FSTL5: variants seen among roughly 807,000 people sequenced by gnomAD.
FSTL5 encodes the protein follistatin-related protein 5.
FSTL5 carries 62 observed loss-of-function variants against 89.1 expected under a neutral mutation model. That is an observed-to-expected ratio of 0.70 (90% CI 0.57 to 0.86). The LOEUF (loss-of-function observed/expected upper bound fraction) is 0.86. Among genes scored for constraint, FSTL5 ranks in the 40% least tolerant of loss-of-function variants. FSTL5 has a pLI of 0.00. For missense variants in FSTL5, 1,057 were observed against 1,001.6 expected (o/e 1.06, Z -0.75); for synonymous variants, 383 against 346.2 (o/e 1.11, Z -1.18).
intron 6 of FSTL5, among the ~76,000 whole-genome samples, chr4:161,697,831 C>A (rs1349532696): frequency 6.6e-6 from 1 of 152,040 alleles, no homozygotes; most frequent in African/African-American, 2.4e-5. Flanking sequence ...ATCTCTAGAG[C>A]CTATTTGGAG....
intron 8 of FSTL5, among the ~76,000 whole-genome samples, chr4:161,546,961 T>C (rs1459744101): frequency 6.6e-6 from 1 of 152,008 alleles, no homozygotes; most frequent in East Asian, 1.9e-4. Flanking sequence ...AACAGAGCTG[T>C]GGCAAAGTAA....
At chr4:161,817,876 G>T (rs939158336) in intron 4 of FSTL5, among the ~76,000 whole-genome samples, 1 of 152,214 alleles carries the variant, frequency 6.6e-6, no homozygotes, top group South Asian at 2.1e-4. Context: ...AGGGAAGAGC[G>T]TGGTCCCTTT....
chr4:161,841,939 T>C (rs1163658589), intron 4 of FSTL5, among the ~76,000 whole-genome samples: 1 of 152,108 alleles, frequency 6.6e-6, no homozygotes, highest in African/African-American at 2.4e-5. Flanking sequence ...CATTGAAGGA[T>C]GTGAGGCTGT....
At chr4:162,047,790 A>T (rs1402461456) in intron 2 of FSTL5, among the ~76,000 whole-genome samples, 1 of 151,874 alleles carries the variant, frequency 6.6e-6, no homozygotes, top group East Asian at 1.9e-4. Context: ...GCACCACTGC[A>T]CTCCAGCCCG....
chr4:161,640,155 A>G (rs1478050936), intron 7 of FSTL5, among the ~76,000 whole-genome samples: 1 of 152,202 alleles, frequency 6.6e-6, no homozygotes, highest in Non-Finnish European at 1.5e-5. Flanking sequence ...CAATAAATAA[A>G]TCTAAAACAA....
intron 2 of FSTL5, among the ~76,000 whole-genome samples, chr4:162,102,805 C>T (rs1266700803): frequency 7.2e-6 from 1 of 139,210 alleles, no homozygotes; most frequent in African/African-American, 2.5e-5. Flanking sequence ...GATCTGGACT[C>T]CTGGACAAGC....
At chr4:161,533,752 T>C (rs1424526776) in intron 10 of FSTL5, among the ~76,000 whole-genome samples, 2 of 151,914 alleles carry the variant, frequency 1.3e-5, no homozygotes, top group African/African-American at 4.8e-5. Flanking sequence ...GATACCAAAA[T>C]CTTGCAGAGT....
intron 9 of FSTL5, among the ~76,000 whole-genome samples, chr4:161,540,932 C>T (rs1343979576): frequency 6.6e-6 from 1 of 152,044 alleles, no homozygotes; most frequent in Non-Finnish European, 1.5e-5. Context: ...ATCACCTAGT[C>T]TCCTGTCTCT....
At chr4:161,887,166 G>T (rs1732832548) in intron 4 of FSTL5, among the ~76,000 whole-genome samples, 1 of 152,062 alleles carries the variant, frequency 6.6e-6, no homozygotes, top group Non-Finnish European at 1.5e-5. Flanking sequence ...GTTTTCAAGG[G>T]TATCAGCCAG....
At chr4:162,162,959 C>T (rs1733750475) in intron 1 of FSTL5, among the ~76,000 whole-genome samples, 1 of 152,200 alleles carries the variant, frequency 6.6e-6, no homozygotes, top group South Asian at 2.1e-4. Flanking sequence ...GCAGAACAAA[C>T]AGCCCCCAAC....
intron 2 of FSTL5, among the ~76,000 whole-genome samples, chr4:162,098,671 C>T (rs1421249682): frequency 6.6e-6 from 1 of 151,906 alleles, no homozygotes; most frequent in Admixed American, 6.6e-5. Context: ...TCAAGACTTA[C>T]TATTATACAA....
rs192094659 is a variant in FSTL5, at chr4:161,570,806, G to C, written c.1015+16649C>G. ...TCTGGACCTAAAAGGATATGACCAG[G>C]AAATCTATGGAGTTAAGGCTCCAAG... On this transcript the variant is annotated intron_variant, in intron 8 of 15. Transcript: ENST00000306100. Among the ~76,000 whole-genome samples, 242 of 152,230 alleles carry C rather than the reference G, an allele frequency of 1.6e-3. 1 individual carries two copies. Among genetic ancestry groups the C allele is most frequent in the African/African-American group, 5.6e-3 (231 of 41,560 alleles).
intron 1 of FSTL5, among the ~76,000 whole-genome samples, chr4:162,151,207 G>A (rs1304115576): frequency 6.6e-6 from 1 of 151,962 alleles, no homozygotes; most frequent in East Asian, 1.9e-4. Context: ...AAATTTAATT[G>A]GAAAAAGTTT....
chr4:161,656,445 T>G lies in FSTL5; in HGVS notation c.777A>C (p.Ala259=), dbSNP rs4691015. The G allele has an allele frequency of 7.1e-3, 11,436 of 1,607,300 alleles. 131 individuals are homozygous for G. Among genetic ancestry groups the G allele is most frequent in the South Asian group, 0.042 (3,775 of 89,736 alleles). ...LPEDQKLSIT[A]ATVGQSAVLS... Reference sequence around the variant, plus strand: ...GAACAGCACTTTGTCCCACAGTTGCTGCAGTGATGCTTAGTTTCTGATCTT... The same window carrying G: ...GAACAGCACTTTGTCCCACAGTTGCGGCAGTGATGCTTAGTTTCTGATCTT... Residue 259 remains alanine, a synonymous_variant, in exon 7 of 16, where the codon GCA becomes GCC. Coordinates refer to ENST00000306100, the MANE Select transcript of FSTL5 (RefSeq NM_020116.5).
chr4:161,588,098 T>C (rs528573314), intron 7 of FSTL5, among the ~76,000 whole-genome samples: 58 of 152,198 alleles, frequency 3.8e-4, no homozygotes, highest in African/African-American at 1.4e-3. Flanking sequence ...TGCTTGAAAC[T>C]GGGAGGCAGG....
chr4:161,997,608 T>A (rs1290197049), intron 3 of FSTL5, among the ~76,000 whole-genome samples: 1 of 49,666 alleles, frequency 2.0e-5, no homozygotes, highest in Non-Finnish European at 4.7e-5. Context: ...TATCTTTTTT[T>A]TTTTTTTTTT....
intron 4 of FSTL5, among the ~76,000 whole-genome samples, chr4:161,911,762 T>G (rs1371121410): frequency 6.6e-6 from 1 of 152,202 alleles, no homozygotes; most frequent in Non-Finnish European, 1.5e-5. Flanking sequence ...TTTTAAAAAT[T>G]GTTTTGAATA....
intron 8 of FSTL5, among the ~76,000 whole-genome samples, chr4:161,556,846 G>GTGTGTA (rs1553997286): frequency 2.0e-4 from 28 of 142,770 alleles, no homozygotes; most frequent in African/African-American, 6.9e-4. Flanking sequence ...GTGTGTGTGT[G>GTGTGTA]TATATATATA....
At chr4:162,031,976 T>C (rs1737545840) in intron 3 of FSTL5, among the ~76,000 whole-genome samples, 1 of 152,016 alleles carries the variant, frequency 6.6e-6, no homozygotes, top group Non-Finnish European at 1.5e-5. Context: ...AGCCACAATG[T>C]GTGTGAAAGT....
Sources: gnomAD v4.1 joint callset for allele counts (sites outside exome capture counted in the v4.1 genomes callset) on GRCh38, gnomAD v4.1.1 for gene constraint, MANE v1.5 for transcripts, NCBI Gene and HGNC (gene_info 2026-07-23, HGNC 2026-07-21) for gene names.